The following CYB5D2 variants were observed in gnomAD, a reference collection of about 807,000 sequenced individuals.
The protein encoded by CYB5D2 is cytochrome b5 domain containing 2.
CYB5D2 carries 23 observed loss-of-function variants against 22.8 expected under a neutral mutation model. The ratio of observed to expected loss-of-function variants is 1.01; its 90% confidence interval spans 0.73 to 1.43. CYB5D2 has a LOEUF of 1.43. CYB5D2 is among the 40% of genes most tolerant of loss of function. The probability of loss-of-function intolerance (pLI) is 0.00; values close to 1 mark genes in which losing one functional copy is unlikely to be tolerated. For missense variants in CYB5D2, 373 were observed against 357.2 expected (o/e 1.04, Z -0.36); for synonymous variants, 170 against 152.2 (o/e 1.12, Z -0.86).
chr17:4,155,227 T>C (rs958675177), intron 3 of CYB5D2, among the ~76,000 whole-genome samples: 2 of 152,136 alleles, frequency 1.3e-5, no homozygotes, highest in African/African-American at 2.4e-5. Context: ...GGCTTTGGTT[T>C]CCTGTTTGAC....
At chr17:4,156,297 G>A (rs1028593099) in intron 3 of CYB5D2, among the ~76,000 whole-genome samples, 1 of 152,274 alleles carries the variant, frequency 6.6e-6, no homozygotes. Context: ...CGTGTCTGAA[G>A]CCTAGTGCCA....
intron 2 of CYB5D2, 152 bp downstream of exon 2, chr17:4,150,183 C>T: frequency 1.0e-6 from 1 of 964,070 alleles, no homozygotes; most frequent in Non-Finnish European, 1.6e-6. Flanking sequence ...TAGGGATGAG[C>T]CGCCCAGAAG....
intron 1 of CYB5D2, among the ~76,000 whole-genome samples, chr17:4,144,219 C>T (rs1177395898): frequency 2.0e-5 from 3 of 152,164 alleles, no homozygotes; most frequent in Admixed American, 6.5e-5. Flanking sequence ...TCCACCACCG[C>T]CCTGCGTGAC....
At chr17:4,150,117 T>G (rs1597977269) in intron 2 of CYB5D2, 86 bp downstream of exon 2, 2 of 1,511,586 alleles carry the variant, frequency 1.3e-6, no homozygotes, top group Non-Finnish European at 1.8e-6. Context: ...GGGTTCAAGC[T>G]TAAAATCTGA....
chr17:4,154,935 A>C (rs2059098589), intron 3 of CYB5D2, 75 bp downstream of exon 3: 1 of 1,434,010 alleles, frequency 7.0e-7, no homozygotes, highest in Non-Finnish European at 9.4e-7. Flanking sequence ...TGCAGTATTC[A>C]GTGAATTCAG....
At chr17:4,144,178 G>A (rs1002639172) in intron 1 of CYB5D2, among the ~76,000 whole-genome samples, 173 bp downstream of exon 1, 3 of 152,132 alleles carry the variant, frequency 2.0e-5, no homozygotes, top group Non-Finnish European at 2.9e-5. Flanking sequence ...AGGCTCTCTG[G>A]CTCTGGCGGG....
chr17:4,147,715 T>C (rs1424786838), intron 1 of CYB5D2, among the ~76,000 whole-genome samples: 2 of 152,168 alleles, frequency 1.3e-5, no homozygotes, highest in East Asian at 1.9e-4. Flanking sequence ...TAGCCGGGCA[T>C]GGTGGCGCAT....
At chr17:4,149,374 C>A (rs559177758) in intron 1 of CYB5D2, among the ~76,000 whole-genome samples, 6 of 152,084 alleles carry the variant, frequency 3.9e-5, no homozygotes, top group Admixed American at 3.9e-4. Flanking sequence ...TAAAGTTTGC[C>A]GAAGGTAAAA....
intron 1 of CYB5D2, among the ~76,000 whole-genome samples, chr17:4,148,346 G>A (rs1195071685): frequency 2.0e-5 from 3 of 151,776 alleles, no homozygotes; most frequent in Non-Finnish European, 4.4e-5. Context: ...GCAAAACCCC[G>A]TCTCTGCTAA....
Position 4,154,731 on chromosome 17 carries a change from A to T in CYB5D2, c.449A>T (p.Gln150Leu). Residue 150 changes from glutamine (Q) to leucine (L), a missense_variant, in exon 3 of 4, where the codon CAG becomes CTG. By Grantham distance (113) the Gln-to-Leu change is moderately radical. Coordinates refer to ENST00000301391, the MANE Select transcript of CYB5D2 (RefSeq NM_144611.4). ...GGGCTGCCCACCCCGGCACTGACCCAGGTAGAAGCTGCGATCACCAGAGGC... is the reference window on the plus strand; with the variant it reads ...GGGCTGCCCACCCCGGCACTGACCCTGGTAGAAGCTGCGATCACCAGAGGC... ...EDGLPTPALT[Q>L]VEAAITRGLE... 6.2e-7 allele frequency: 1 copy of T among 1,614,208 alleles called. No individual in the cohort carries two copies. The highest frequency in any genetic ancestry group is 8.5e-7 in the Non-Finnish European group (1 of 1,180,032).
intron 2 of CYB5D2, 40 bp from the exon 3 acceptor site, chr17:4,154,634 G>T: frequency 1.3e-6 from 2 of 1,595,098 alleles, no homozygotes; most frequent in Non-Finnish European, 1.7e-6. Flanking sequence ...CAGCAGCTGA[G>T]TATTCACTCT....
At chr17:4,153,890 G>A (rs1045008629) in intron 2 of CYB5D2, among the ~76,000 whole-genome samples, 4 of 152,226 alleles carry the variant, frequency 2.6e-5, no homozygotes, top group African/African-American at 9.6e-5. Flanking sequence ...TCTCAGATGC[G>A]CTGAACATAC....
rs1035692296 is a variant in CYB5D2, at chr17:4,143,247, C to T, written c.-509C>T. 15 of 221,982 alleles carry T rather than the reference C, an allele frequency of 6.8e-5. No individual in the cohort carries two copies. Among genetic ancestry groups the T allele is most frequent in the Non-Finnish European group, 1.1e-4 (13 of 115,432 alleles). The allele number at this position is 221,982 out of a possible 1,614,324, so 13.8% of individuals were successfully genotyped here. On this transcript the variant is annotated 5_prime_UTR_variant, in exon 1 of 4. Transcript: ENST00000301391. The stretch of plus-strand genomic sequence containing the variant: ...TGCAAGCCAAGAAGTACGAGAAGGG[C>T]CAGGCGCGGTGGCTCACGCCTGTAA...
At chr17:4,154,166 G>A (rs897658615) in intron 2 of CYB5D2, among the ~76,000 whole-genome samples, 10 of 152,156 alleles carry the variant, frequency 6.6e-5, no homozygotes, top group African/African-American at 9.7e-5. Flanking sequence ...TTTTAAAGCC[G>A]GGCACAGTGT....
chr17:4,147,447 C>A (rs1475609357), intron 1 of CYB5D2, among the ~76,000 whole-genome samples: 1 of 152,160 alleles, frequency 6.6e-6, no homozygotes, highest in African/African-American at 2.4e-5. Context: ...ATAGATATTA[C>A]ACAATTAATG....
intron 1 of CYB5D2, 55 bp downstream of exon 1, chr17:4,144,060 C>T: frequency 2.0e-6 from 3 of 1,527,750 alleles, no homozygotes; most frequent in Non-Finnish European, 2.6e-6. Flanking sequence ...CAGTAGCCAC[C>T]TGCGCGTCGT....
chr17:4,154,652 A>G lies in CYB5D2; in HGVS notation c.392-22A>G, dbSNP rs748246870. 4 of 1,609,186 alleles carry G rather than the reference A, an allele frequency of 2.5e-6. No homozygotes were observed. The South Asian group carries it at 3.3e-5, about 13-fold the overall frequency. ...CAGCTGAGTATTCACTCTCACTCACATCTGCCTTCCTGTCATCACAGGGAG... is the reference window on the plus strand; with the variant it reads ...CAGCTGAGTATTCACTCTCACTCACGTCTGCCTTCCTGTCATCACAGGGAG... On this transcript the variant is annotated intron_variant, in intron 2 of 3. Coordinates refer to ENST00000301391, the MANE Select transcript of CYB5D2 (RefSeq NM_144611.4).
rs748419098 is a variant in CYB5D2, at chr17:4,150,022, G to T, written c.382G>T (p.Val128Leu). 1 of 1,614,030 alleles carries T rather than the reference G, an allele frequency of 6.2e-7. No homozygotes were observed. Among genetic ancestry groups the T allele is most frequent in the Non-Finnish European group, 8.5e-7 (1 of 1,180,012 alleles). Residue 128 changes from valine (V) to leucine (L), a missense_variant, in exon 2 of 4, where the codon GTG (valine) becomes TTG (leucine). Val to Leu is a conservative substitution (Grantham distance 32). Transcript: ENST00000301391. ...NWLSFYEKNY[V>L]CVGRVTGRFY... ...GCTTTCATTCTATGAGAAGAATTAT[G>T]TGTGTGTTGGTAAGTCGTCCATAGG... is the stretch of plus-strand genomic sequence containing the variant.
chr17:4,154,553 T>A, intron 2 of CYB5D2, 121 bp from the exon 3 acceptor site: 7 of 1,160,168 alleles, frequency 6.0e-6, no homozygotes, highest in Non-Finnish European at 3.6e-6. Context: ...GCAGTAGAAG[T>A]TCTTATTAAA....
Sources: allele counts gnomAD v4.1 joint callset (sites outside exome capture counted in the v4.1 genomes callset), GRCh38; gene constraint gnomAD v4.1.1; transcripts MANE v1.5; gene names NCBI Gene and HGNC (gene_info 2026-07-23, HGNC 2026-07-21).